VTCN1: variants seen among roughly 807,000 people sequenced by gnomAD.
The protein encoded by VTCN1 is V-set domain containing T cell activation inhibitor 1.
VTCN1 carries 26 observed loss-of-function variants against 26.5 expected under a neutral mutation model. The ratio of observed to expected loss-of-function variants is 0.98; its 90% CI spans 0.72 to 1.36. The LOEUF (loss-of-function observed/expected upper bound fraction) is 1.36, where lower values mean the gene tolerates loss of function less well. Among genes scored for constraint, VTCN1 ranks in the 40% most tolerant of loss-of-function variants. The pLI, the probability that VTCN1 is intolerant of heterozygous loss-of-function variation, is 0.00. For synonymous variants in VTCN1, 116 were observed against 130.7 expected (o/e 0.89, Z 0.77); for missense variants, 298 against 337.7 (o/e 0.88, Z 0.92).
At chr1:117,157,459 A>C (rs1455642825) in intron 2 of VTCN1, among the ~76,000 whole-genome samples, 2 of 152,150 alleles carry the variant, frequency 1.3e-5, no homozygotes, top group Non-Finnish European at 2.9e-5. Context: ...GGCAAGAGAA[A>C]AATGAGAAAG....
chr1:117,193,535 C>A (rs1490497846), intron 1 of VTCN1, among the ~76,000 whole-genome samples: 1 of 151,308 alleles, frequency 6.6e-6, no homozygotes, highest in Non-Finnish European at 1.5e-5. Context: ...GGGGTCAATT[C>A]ATCAAAAGGG....
At chr1:117,153,461 A>ATTTTTTT in intron 3 of VTCN1, 92 bp from the exon 4 acceptor site, 7 of 1,117,036 alleles carry the variant, frequency 6.3e-6, no homozygotes, top group Non-Finnish European at 8.5e-6. Context: ...AAATGCAGTC[A>ATTTTTTT]TTTTTTTTTT....
intron 1 of VTCN1, among the ~76,000 whole-genome samples, chr1:117,184,627 A>G (rs757076172): frequency 6.6e-6 from 1 of 152,128 alleles, no homozygotes; most frequent in African/African-American, 2.4e-5. Context: ...TTCAGGGAAG[A>G]ATATTTAAAG....
At chr1:117,195,486 A>C (rs566283476) in intron 1 of VTCN1, among the ~76,000 whole-genome samples, 1 of 152,216 alleles carries the variant, frequency 6.6e-6, no homozygotes, top group South Asian at 2.1e-4. Context: ...TTTGTCAATT[A>C]TACCTCAATT....
At chr1:117,205,083 ATATGTATG>A (rs1171477676) in intron 1 of VTCN1, among the ~76,000 whole-genome samples, 1 of 6,852 alleles carries the variant, frequency 1.5e-4, no homozygotes, top group Non-Finnish European at 2.0e-3. Context: ...ATGTACATGT[ATATGTATG>A]TATGTATATG....
In VTCN1 at chr1:117,143,623, C is replaced by T. The variant is rs1000243313; in HGVS notation, c.*1648G>A. On this transcript the variant is annotated 3_prime_UTR_variant, in exon 6 of 6. Coordinates refer to ENST00000369458, the MANE Select transcript of VTCN1 (RefSeq NM_024626.4). ...ATGTATATTTAATCATTCTCTTGAA[C>T]GATCAGAACTCTAAAATCAGTTTTC... The T allele has an allele frequency of 2.6e-5, 4 of 152,162 alleles. No homozygotes were observed. Among genetic ancestry groups the T allele is most frequent in the Admixed American group, 1.3e-4 (2 of 15,268 alleles). The allele number at this position is 152,162 out of a possible 1,614,324, so 9.4% of individuals were successfully genotyped here.
At chr1:117,150,117 C>T (rs1651712744) in intron 4 of VTCN1, among the ~76,000 whole-genome samples, 2 of 152,140 alleles carry the variant, frequency 1.3e-5, no homozygotes, top group South Asian at 4.1e-4. Context: ...TTTTAAATGA[C>T]CAATACTTCA....
At chr1:117,200,335 G>A (rs753477537) in intron 1 of VTCN1, among the ~76,000 whole-genome samples, 2 of 152,098 alleles carry the variant, frequency 1.3e-5, no homozygotes, top group East Asian at 1.9e-4. Context: ...GGAGGTCAAG[G>A]CTACAATGAG....
intron 2 of VTCN1, among the ~76,000 whole-genome samples, chr1:117,166,033 T>C (rs1652588460): frequency 6.6e-6 from 1 of 152,218 alleles, no homozygotes; most frequent in Admixed American, 6.5e-5. Context: ...ACCTTTTTAT[T>C]GGCAGTAGTA....
At chr1:117,210,723 A>T in intron 1 of VTCN1, 101 bp downstream of exon 1, 1 of 1,254,218 alleles carries the variant, frequency 8.0e-7, no homozygotes. Context: ...ATAAAATTAC[A>T]GGTGGGGTCC....
At chr1:117,148,479 G>C (rs1045438061) in intron 4 of VTCN1, among the ~76,000 whole-genome samples, 15 of 152,136 alleles carry the variant, frequency 9.9e-5, no homozygotes, top group Non-Finnish European at 1.8e-4. Flanking sequence ...ATAAGTACTG[G>C]CTGTAAAAAC....
At position 117,144,648 on chromosome 1, in the gene VTCN1, C is replaced by A. The variant is rs1424228371; in HGVS notation, c.*623G>T. 1 of 152,462 alleles carries A rather than the reference C, an allele frequency of 6.6e-6. No individual in the cohort carries two copies. Among genetic ancestry groups the A allele is most frequent in the African/African-American group, 2.4e-5 (1 of 41,434 alleles). The allele number at this position is 152,462 out of a possible 1,614,324, so 9.4% of individuals were successfully genotyped here. A position where few individuals can be genotyped will look rare whatever the true frequency, so the allele number is the denominator to read the frequency against. The stretch of plus-strand genomic sequence containing the variant: ...GCTCTGTTTATGCTAAAATTATGAT[C>A]ATTTTTCTCAACTTTGGCATTTGTC... On this transcript the variant is annotated 3_prime_UTR_variant, in exon 6 of 6. Transcript: ENST00000369458.
At chr1:117,180,126 A>C (rs1483176777) in intron 1 of VTCN1, among the ~76,000 whole-genome samples, 1 of 152,156 alleles carries the variant, frequency 6.6e-6, no homozygotes, top group African/African-American at 2.4e-5. Context: ...TCTCCCCCCC[A>C]GGAAGTGTCT....
At chr1:117,173,628 A>G (rs559060707) in intron 1 of VTCN1, among the ~76,000 whole-genome samples, 16 of 152,234 alleles carry the variant, frequency 1.1e-4, no homozygotes, top group Non-Finnish European at 2.4e-4. Flanking sequence ...GCAAACTAAT[A>G]CAAAAAGGTT....
chr1:117,164,441 G>A, intron 2 of VTCN1, among the ~76,000 whole-genome samples: 1 of 152,104 alleles, frequency 6.6e-6, no homozygotes, highest in Middle Eastern at 3.2e-3. Flanking sequence ...AGCATCCTGT[G>A]GCTTCAAAGG....
At chr1:117,188,286 T>C (rs1389513562) in intron 1 of VTCN1, among the ~76,000 whole-genome samples, 2 of 151,340 alleles carry the variant, frequency 1.3e-5, no homozygotes, top group Non-Finnish European at 3.0e-5. Context: ...GCTGCGAGAG[T>C]CACCACTCTT....
intron 2 of VTCN1, among the ~76,000 whole-genome samples, chr1:117,166,673 A>C (rs995399414): frequency 4.8e-4 from 72 of 150,264 alleles, no homozygotes; most frequent in African/African-American, 1.7e-3. Flanking sequence ...AAAAAAAGAA[A>C]GAAAAAGAAA....
chr1:117,184,835 G>A (rs976417632), intron 1 of VTCN1, among the ~76,000 whole-genome samples: 2 of 152,176 alleles, frequency 1.3e-5, no homozygotes, highest in African/African-American at 4.8e-5. Flanking sequence ...GGCCAAAGGG[G>A]TGAAGGATAG....
intron 1 of VTCN1, among the ~76,000 whole-genome samples, chr1:117,207,544 C>T (rs1458724458): frequency 6.6e-6 from 1 of 152,110 alleles, no homozygotes; most frequent in Non-Finnish European, 1.5e-5. Flanking sequence ...TAGGAGCCAC[C>T]CCCTATGACT....
Sources: allele counts gnomAD v4.1 joint callset (sites outside exome capture counted in the v4.1 genomes callset), GRCh38; gene constraint gnomAD v4.1.1; transcripts MANE v1.5; gene names NCBI Gene and HGNC (gene_info 2026-07-23, HGNC 2026-07-21).